Variants in AADACL4 observed in about 807,000 individuals in gnomAD.
AADACL4 encodes arylacetamide deacetylase like 4, also known as arylacetamide deacetylase-like 4.
Under a neutral mutation model 14.1 loss-of-function variants are expected in AADACL4, and 9 were observed. The observed-to-expected ratio is 0.64, with a 90% CI of 0.39 to 1.12. The LOEUF (loss-of-function observed/expected upper bound fraction) is 1.12. AADACL4 is among the 50% of genes most tolerant of loss of function. The probability of loss-of-function intolerance (pLI) is 0.01; values close to 1 mark genes in which losing one functional copy is unlikely to be tolerated. For missense variants in AADACL4, 531 were observed against 516.1 expected (o/e 1.03, Z -0.28); for synonymous variants, 188 against 201.6 (o/e 0.93, Z 0.57).
chr1:12,647,089 G>GT, intron 1 of AADACL4, among the ~76,000 whole-genome samples: 1 of 146,910 alleles, frequency 6.8e-6, no homozygotes, highest in South Asian at 2.2e-4. Context: ...GAAAAGTGAG[G>GT]ATTTTTTTTT....
intron 1 of AADACL4, among the ~76,000 whole-genome samples, chr1:12,649,179 C>G (rs1268818205): frequency 6.6e-6 from 1 of 152,172 alleles, no homozygotes; most frequent in Non-Finnish European, 1.5e-5. Flanking sequence ...TACTGAGGGC[C>G]TCCAAGAAGG....
rs568756239 is a variant in AADACL4 at position 12,644,355 on chromosome 1, T to C, written c.-192T>C. On this transcript the variant is annotated 5_prime_UTR_variant, in exon 1 of 4. The change abolishes the stop of an existing upstream ORF in the 5' untranslated region. Coordinates refer to ENST00000376221, the MANE Select transcript of AADACL4 (RefSeq NM_001013630.2). ...TGGGTCCCCACATTGCTTAGGGAAA[T>C]AGGTTCCTCCACCTCCCATTGGCCT... Among the ~76,000 whole-genome samples, 1 of 152,266 alleles carries C rather than the reference T, an allele frequency of 6.6e-6. No homozygotes were observed. Among genetic ancestry groups the C allele is most frequent in the South Asian group, 2.1e-4 (1 of 4,822 alleles).
chr1:12,667,028 C>G lies in AADACL4; in HGVS notation c.*293C>G, dbSNP rs991213890. 6.4e-6 allele frequency: 3 copies of G among 467,574 alleles called. No individual in the cohort carries two copies. The Admixed American group carries it at 1.1e-4, about 18-fold the overall frequency. The allele number at this position is 467,574 out of a possible 1,614,324, so 29.0% of individuals were successfully genotyped here. ...GAAAAAAATGCCTTTAAAAATTTCT[C>G]AAAGCCCCAACATATAAGATCTGTG... On this transcript the variant is annotated 3_prime_UTR_variant, in exon 4 of 4. Coordinates refer to ENST00000376221, the MANE Select transcript of AADACL4 (RefSeq NM_001013630.2).
intron 1 of AADACL4, among the ~76,000 whole-genome samples, chr1:12,646,429 T>C (rs986465165): frequency 7.2e-5 from 11 of 152,204 alleles, no homozygotes; most frequent in African/African-American, 2.7e-4. Flanking sequence ...AAAAGATCAC[T>C]TTTAGAGACA....
Position 12,644,671 on chromosome 1 carries a change from A to C in AADACL4, c.125A>C (p.Lys42Thr). ...DIPATLQHPA[K>T]LRFLHCIFLY... The stretch of plus-strand genomic sequence containing the variant: ...CCTGCTACCTTGCAGCATCCTGCCA[A>C]GTTGAGATTCCTGCATTGCATATTC... The change falls in exon 1 of 4, where the codon AAG becomes ACG. Residue 42 changes from lysine to threonine, a missense_variant. Lys to Thr is a moderately conservative substitution (Grantham distance 78). Transcript: ENST00000376221. 6.2e-7 allele frequency: 1 copy of C among 1,614,114 alleles called. No homozygotes were observed. The highest frequency in any genetic ancestry group is 8.5e-7 in the Non-Finnish European group (1 of 1,180,000).
intron 1 of AADACL4, 72 bp downstream of exon 1, chr1:12,644,786 C>A: frequency 6.8e-7 from 1 of 1,472,028 alleles, no homozygotes; most frequent in Non-Finnish European, 9.3e-7. Flanking sequence ...ACCCTCTTTT[C>A]CCTCTTTCAC....
chr1:12,661,417 C>T (rs1426908934), intron 2 of AADACL4, among the ~76,000 whole-genome samples: 1 of 152,180 alleles, frequency 6.6e-6, no homozygotes, highest in Non-Finnish European at 1.5e-5. Context: ...TCCCGTCCAA[C>T]CCTTGTTTAT....
At chr1:12,656,531 T>G (rs1333418492) in intron 2 of AADACL4, among the ~76,000 whole-genome samples, 2 of 152,204 alleles carry the variant, frequency 1.3e-5, no homozygotes, top group East Asian at 3.9e-4. Context: ...AAGGGAGCAC[T>G]TGGCATTCCA....
intron 1 of AADACL4, among the ~76,000 whole-genome samples, chr1:12,649,056 TG>T (rs1188205674): frequency 1.3e-5 from 2 of 151,736 alleles, no homozygotes; most frequent in African/African-American, 4.8e-5. Flanking sequence ...GGAACAAACA[TG>T]GGTGATCAGA....
chr1:12,665,883 G>A, intron 3 of AADACL4, 78 bp from the exon 4 acceptor site: 1 of 1,401,140 alleles, frequency 7.1e-7, no homozygotes, highest in South Asian at 1.4e-5. Flanking sequence ...CTTGTAAGGG[G>A]GTTGAGGATT....
rs776734423 is a variant in AADACL4, at chr1:12,666,644, G to C, written c.1133G>C (p.Gly378Ala). ...TACCACCTGTATGATGGTTTTCACG[G>C]ATCCATTATCTTTTTTGATAAGAAG... ...TWYHLYDGFH[G>A]SIIFFDKKAL... is the part of the protein sequence containing the mutation. The change falls in exon 4 of 4, where the codon GGA (glycine) becomes GCA (alanine). Residue 378 changes from glycine (G) to alanine (A), a missense_variant. Physicochemically the swap from Gly to Ala is moderately conservative, Grantham distance 60. Coordinates refer to ENST00000376221, the MANE Select transcript of AADACL4 (RefSeq NM_001013630.2). The C allele has an allele frequency of 6.2e-7, 1 of 1,614,166 alleles. No individual in the cohort carries two copies. The highest frequency in any genetic ancestry group is 8.5e-7 in the Non-Finnish European group (1 of 1,180,030).
chr1:12,665,814 A>G (rs773738158), intron 3 of AADACL4, 147 bp from the exon 4 acceptor site: 21 of 902,644 alleles, frequency 2.3e-5, no homozygotes, highest in Admixed American at 3.0e-5. Flanking sequence ...TCATAGGAAG[A>G]CAATGGGGAT....
At chr1:12,655,061 C>T (rs554988814) in intron 2 of AADACL4, among the ~76,000 whole-genome samples, 13 of 152,256 alleles carry the variant, frequency 8.5e-5, no homozygotes, top group South Asian at 4.2e-4. Flanking sequence ...GTTATTCATC[C>T]GTTGTTGGGT....
chr1:12,653,296 C>G (rs1358078410), intron 2 of AADACL4, among the ~76,000 whole-genome samples: 1 of 152,146 alleles, frequency 6.6e-6, no homozygotes, highest in Admixed American at 6.5e-5. Flanking sequence ...AAGGCAAAAA[C>G]CATTTGCGTC....
chr1:12,652,075 G>A (rs1355009770), intron 2 of AADACL4, among the ~76,000 whole-genome samples: 3 of 151,340 alleles, frequency 2.0e-5, no homozygotes, highest in African/African-American at 4.9e-5. Context: ...TACCCGCCTC[G>A]GCCTCCCAAA....
intron 1 of AADACL4, among the ~76,000 whole-genome samples, chr1:12,645,346 C>T (rs1448777162): frequency 6.8e-6 from 1 of 146,104 alleles, no homozygotes; most frequent in Non-Finnish European, 1.5e-5. Context: ...CTCCTGCTCT[C>T]TCTAACTCCC....
rs1165017242 is a variant in AADACL4, at chr1:12,666,263, C to T, written c.752C>T (p.Thr251Ile). 1 of 1,614,268 alleles carries T rather than the reference C, an allele frequency of 6.2e-7. No individual in the cohort carries two copies. The highest frequency in any genetic ancestry group is 8.5e-7 in the Non-Finnish European group (1 of 1,180,046). ...VPLLSRKFMVTSLCNYLAIDL... is the reference protein window; with the variant it reads ...VPLLSRKFMVISLCNYLAIDL... ...TTACTTTCCCGGAAGTTCATGGTGA[C>T]TTCTCTGTGTAACTATCTGGCCATT... The change falls in exon 4 of 4, where the codon ACT (threonine) becomes ATT (isoleucine). Residue 251 changes from threonine to isoleucine, a missense_variant. Thr to Ile is a moderately conservative substitution (Grantham distance 89). Transcript: ENST00000376221.
Position 12,666,255 on chromosome 1 carries a change from C to T in AADACL4, c.744C>T (p.Phe248=). 1.2e-6 allele frequency: 2 copies of T among 1,614,254 alleles called. No individual in the cohort carries two copies. Among genetic ancestry groups the T allele is most frequent in the African/African-American group, 1.3e-5 (1 of 75,064 alleles). The change falls in exon 4 of 4, where the codon TTC becomes TTT. Residue 248 remains phenylalanine, a synonymous_variant. Transcript: ENST00000376221. ...ATGTCCCATTACTTTCCCGGAAGTTCATGGTGACTTCTCTGTGTAACTATC... is the reference window on the plus strand; with the variant it reads ...ATGTCCCATTACTTTCCCGGAAGTTTATGGTGACTTCTCTGTGTAACTATC... ...NQNVPLLSRK[F]MVTSLCNYLA... is the part of the protein sequence containing the mutation.
rs549796959 is a variant in AADACL4 at position 12,665,855 on chromosome 1, G to A, written c.450-106G>A. On this transcript the variant is annotated intron_variant, in intron 3 of 3. Transcript: ENST00000376221. ...CCTTATTTCATAGGGTTATTCTGAG[G>A]ATTTAATCAGATATAGTCTTGTAAG... 40 of 1,231,682 alleles carry A rather than the reference G, an allele frequency of 3.2e-5. No individual in the cohort carries two copies. In the African/African-American group the frequency reaches 5.9e-4, roughly 18 times the overall value. 76.3% of individuals were successfully genotyped at this position (1,231,682 alleles called of 1,614,324 possible). A position where few individuals can be genotyped will look rare whatever the true frequency, so the allele number is the denominator to read the frequency against.
Sources: gnomAD v4.1 joint callset for allele counts (sites outside exome capture counted in the v4.1 genomes callset) on GRCh38, gnomAD v4.1.1 for gene constraint, MANE v1.5 for transcripts, NCBI Gene and HGNC (gene_info 2026-07-23, HGNC 2026-07-21) for gene names.